Variants in ARFGEF1 observed in about 807,000 individuals in gnomAD.
ARFGEF1 encodes ARF guanine nucleotide exchange factor 1, also known as brefeldin A-inhibited guanine nucleotide-exchange protein 1.
A neutral mutation model predicts 231.0 loss-of-function variants in ARFGEF1; 42 were observed. That is an observed-to-expected ratio of 0.18 (90% CI 0.14 to 0.24). ARFGEF1 has a LOEUF of 0.24. Among genes scored for constraint, ARFGEF1 ranks in the 10% least tolerant of loss-of-function variants. The pLI is 1.00. For synonymous variants in ARFGEF1, 710 were observed against 732.3 expected (o/e 0.97, Z 0.49); for missense variants, 1,345 against 2,192.0 (o/e 0.61, Z 7.72).
intron 22 of ARFGEF1, among the ~76,000 whole-genome samples, chr8:67,236,269 G>A (rs1240158562): frequency 1.5e-5 from 2 of 130,872 alleles, no homozygotes; most frequent in Admixed American, 1.7e-4. Flanking sequence ...AGTGAGTTGA[G>A]ATCGCACCAC....
chr8:67,203,368 TCTAAC>T (rs1201010624), intron 35 of ARFGEF1, 117 bp from the exon 36 acceptor site: 1 of 1,189,864 alleles, frequency 8.4e-7, no homozygotes, highest in Non-Finnish European at 1.2e-6. Flanking sequence ...CTCAGCTTGA[TCTAAC>T]CTAACAGAAA....
rs200329134 is a variant in ARFGEF1 at position 67,244,974 on chromosome 8, C to T, written c.2851-4684G>A. On this transcript the variant is annotated intron_variant, in intron 19 of 38. Coordinates refer to ENST00000262215, the MANE Select transcript of ARFGEF1 (RefSeq NM_006421.5). Reference sequence around the variant, plus strand: ...CAAAGATAAAGGATCCTAAAAGCAACAAGAGAAAAGAAACAAATAACATAC... The same window carrying T: ...CAAAGATAAAGGATCCTAAAAGCAATAAGAGAAAAGAAACAAATAACATAC... Among the ~76,000 whole-genome samples the T allele has an allele frequency of 4.0e-5, 6 of 150,344 alleles. 1 individual carries two copies. In the East Asian group the frequency reaches 5.8e-4, roughly 15 times the overall value.
intron 5 of ARFGEF1, among the ~76,000 whole-genome samples, chr8:67,295,509 C>T (rs901222911): frequency 5.9e-5 from 9 of 151,984 alleles, no homozygotes; most frequent in Non-Finnish European, 8.8e-5. Context: ...ATTCTAATCA[C>T]GAGAAAACAT....
intron 1 of ARFGEF1, among the ~76,000 whole-genome samples, chr8:67,317,398 T>A (rs1429249087): frequency 6.6e-6 from 1 of 152,084 alleles, no homozygotes; most frequent in East Asian, 1.9e-4. Flanking sequence ...GCCTTTAACC[T>A]GTGAAATACG....
chr8:67,206,899 C>G (rs1028594671), intron 34 of ARFGEF1, among the ~76,000 whole-genome samples: 1 of 152,228 alleles, frequency 6.6e-6, no homozygotes, highest in African/African-American at 2.4e-5. Flanking sequence ...TACAAATTCC[C>G]TTTTCTGGCA....
At chr8:67,196,638 A>T (rs1430420552), downstream of ARFGEF1, among the ~76,000 whole-genome samples, 1 of 152,176 alleles carries the variant, frequency 6.6e-6, no homozygotes, top group Non-Finnish European at 1.5e-5. Flanking sequence ...GTAAATTTTT[A>T]TTTGATTTTC....
intron 19 of ARFGEF1, among the ~76,000 whole-genome samples, chr8:67,245,679 GAAGGA>G (rs897683756): frequency 6.7e-6 from 1 of 149,876 alleles, no homozygotes; most frequent in Non-Finnish European, 1.5e-5. Flanking sequence ...AGACAGGAAA[GAAGGA>G]AAGAAAGAAG....
chr8:67,271,841 A>G lies in ARFGEF1; in HGVS notation c.1433T>C (p.Ile478Thr). 6.2e-7 allele frequency: 1 copy of G among 1,613,754 alleles called. No individual in the cohort carries two copies. Among genetic ancestry groups the G allele is most frequent in the Non-Finnish European group, 8.5e-7 (1 of 1,179,734 alleles). Reference sequence around the variant, plus strand: ...ACAAAGATACTGCTTAATAGCATTAATAAACATCTCATTTGTCCTGAAAAT... The same window carrying G: ...ACAAAGATACTGCTTAATAGCATTAGTAAACATCTCATTTGTCCTGAAAAT... Reference protein sequence around the residue: ...GPIFRTNEMFINAIKQYLCVA... With the variant: ...GPIFRTNEMFTNAIKQYLCVA... Residue 478 changes from isoleucine to threonine, a missense_variant, in exon 10 of 39, where the codon ATT becomes ACT. By Grantham distance (89) the Ile-to-Thr change is moderately conservative. Transcript: ENST00000262215.
chr8:67,325,670 G>A (rs1448932794), intron 1 of ARFGEF1, among the ~76,000 whole-genome samples: 3 of 152,060 alleles, frequency 2.0e-5, no homozygotes, highest in East Asian at 1.9e-4. Context: ...TAACTAATAC[G>A]TCTAATATTC....
intron 14 of ARFGEF1, among the ~76,000 whole-genome samples, chr8:67,261,596 T>A (rs546719992): frequency 9.2e-5 from 14 of 152,346 alleles, no homozygotes; most frequent in Non-Finnish European, 1.0e-4. Context: ...AGAGCTCTGA[T>A]GGAGATGTGC....
chr8:67,182,338 A>G (rs1019128342), intron 5 of ARFGEF1, among the ~76,000 whole-genome samples: 1 of 151,880 alleles, frequency 6.6e-6, no homozygotes, highest in Non-Finnish European at 1.5e-5. Context: ...TATGCTGTGA[A>G]TAATATTCCA....
chr8:67,258,009 T>C (rs1158749272), intron 16 of ARFGEF1, 76 bp downstream of exon 16: 1 of 1,366,644 alleles, frequency 7.3e-7, no homozygotes, highest in African/African-American at 1.4e-5. Flanking sequence ...TCCTATTATC[T>C]GTAAATCCCT....
At chr8:67,300,734 C>G (rs1040893783) in intron 3 of ARFGEF1, among the ~76,000 whole-genome samples, 3 of 149,140 alleles carry the variant, frequency 2.0e-5, no homozygotes, top group Non-Finnish European at 3.0e-5. Context: ...TTCCCAACTA[C>G]TCAGAAGTCT....
At chr8:67,316,323 C>T (rs904787151) in intron 1 of ARFGEF1, among the ~76,000 whole-genome samples, 4 of 152,160 alleles carry the variant, frequency 2.6e-5, no homozygotes, top group African/African-American at 9.7e-5. Context: ...GATGGTTTCA[C>T]CTGAGAATTC....
intron 10 of ARFGEF1, among the ~76,000 whole-genome samples, chr8:67,270,715 A>T (rs1444795416): frequency 3.6e-5 from 1 of 27,698 alleles, no homozygotes; most frequent in African/African-American, 8.4e-4. Flanking sequence ...GGTACACCTT[A>T]AAAAAAAAAA....
At chr8:67,327,386 C>T (rs570368817) in intron 1 of ARFGEF1, among the ~76,000 whole-genome samples, 15 of 148,724 alleles carry the variant, frequency 1.0e-4, no homozygotes, top group South Asian at 2.1e-4. Flanking sequence ...GGTGCGATCT[C>T]GGCTCACTGC....
rs1001244010 is a variant in ARFGEF1, at chr8:67,299,245, A to C, written c.423T>G (p.Pro141=). ...IETICGCFQG[P]QTDEGVQLQI... ...GCAGCTGAACTCCTTCATCTGTCTG[A>C]GGGCCCTGAAAGCAGCCACATATTG... The change falls in exon 4 of 39, where the codon CCT becomes CCG. Residue 141 remains proline (P), a synonymous_variant. Coordinates refer to ENST00000262215, the MANE Select transcript of ARFGEF1 (RefSeq NM_006421.5). The C allele has an allele frequency of 1.9e-6, 3 of 1,586,768 alleles. No individual in the cohort carries two copies. The highest frequency in any genetic ancestry group is 1.7e-6 in the Non-Finnish European group (2 of 1,164,210).
chr8:67,291,649 A>C (rs540207948), intron 6 of ARFGEF1, among the ~76,000 whole-genome samples, 198 bp downstream of exon 6: 1 of 152,276 alleles, frequency 6.6e-6, no homozygotes, highest in South Asian at 2.1e-4. Context: ...TAATAAATGC[A>C]AAGTATCATT....
intron 23 of ARFGEF1, 48 bp from the exon 24 acceptor site, chr8:67,228,312 T>C (rs764705264): frequency 6.5e-7 from 1 of 1,542,286 alleles, no homozygotes; most frequent in Non-Finnish European, 8.9e-7. Context: ...TTACTGTTCT[T>C]ATTCCAATTG....
Sources: allele counts gnomAD v4.1 joint callset (sites outside exome capture counted in the v4.1 genomes callset), GRCh38; gene constraint gnomAD v4.1.1; transcripts MANE v1.5; gene names NCBI Gene and HGNC (gene_info 2026-07-23, HGNC 2026-07-21).